Variants in ADAMTS17 observed in about 807,000 individuals in gnomAD.
The protein encoded by ADAMTS17 is A disintegrin and metalloproteinase with thrombospondin motifs 17.
In ADAMTS17, 113 loss-of-function variants were observed where a neutral mutation model predicts 141.5. The observed-to-expected ratio is 0.80, with a 90% CI of 0.69 to 0.93. The LOEUF (loss-of-function observed/expected upper bound fraction) is 0.93, where lower values mean the gene tolerates loss of function less well. Among genes scored for constraint, ADAMTS17 ranks in the 40% least tolerant of loss-of-function variants. The pLI is 0.00. For missense variants in ADAMTS17, 1,659 were observed against 1,517.9 expected (o/e 1.09, Z -1.54); for synonymous variants, 768 against 630.6 (o/e 1.22, Z -3.27).
intron 12 of ADAMTS17, among the ~76,000 whole-genome samples, chr15:100,121,345 C>T (rs560596264): frequency 7.9e-5 from 12 of 152,112 alleles, no homozygotes; most frequent in Non-Finnish European, 1.6e-4. Flanking sequence ...CTCTATAAAT[C>T]CAAGAAGCTC....
At chr15:100,222,619 A>G (rs1420870353) in intron 7 of ADAMTS17, among the ~76,000 whole-genome samples, 4 of 152,120 alleles carry the variant, frequency 2.6e-5, no homozygotes, top group Admixed American at 1.3e-4. Flanking sequence ...CTACCATCCA[A>G]CATCCCTGGA....
At chr15:100,341,746 C>T in intron 1 of ADAMTS17, 75 bp downstream of exon 1, 1 of 1,498,828 alleles carries the variant, frequency 6.7e-7, no homozygotes, top group Non-Finnish European at 8.9e-7. Context: ...CCCGGGCCGC[C>T]AGGACGCCGC....
At chr15:100,209,184 A>T (rs2041703908) in intron 7 of ADAMTS17, among the ~76,000 whole-genome samples, 1 of 151,332 alleles carries the variant, frequency 6.6e-6, no homozygotes, top group Non-Finnish European at 1.5e-5. Flanking sequence ...ATTTCTTGCT[A>T]AATGCTTAGC....
intron 8 of ADAMTS17, among the ~76,000 whole-genome samples, chr15:100,177,005 C>T (rs2040362473): frequency 6.6e-6 from 1 of 152,196 alleles, no homozygotes; most frequent in Admixed American, 6.5e-5. Context: ...AGATTAACTG[C>T]TCACCCATTG....
intron 15 of ADAMTS17, among the ~76,000 whole-genome samples, chr15:100,095,315 A>G (rs1327716582): frequency 6.6e-6 from 1 of 152,190 alleles, no homozygotes; most frequent in Non-Finnish European, 1.5e-5. Flanking sequence ...TTGCTTTCAC[A>G]GGGTCCTGCA....
At chr15:100,081,668 A>G (rs544340764) in intron 15 of ADAMTS17, among the ~76,000 whole-genome samples, 2 of 152,328 alleles carry the variant, frequency 1.3e-5, no homozygotes, top group South Asian at 4.1e-4. Context: ...CTTGGTTTAA[A>G]TACTATTTAA....
chr15:100,222,602 C>T (rs2042168444), intron 7 of ADAMTS17, among the ~76,000 whole-genome samples: 1 of 152,168 alleles, frequency 6.6e-6, no homozygotes, highest in South Asian at 2.1e-4. Flanking sequence ...TCCTAGGACA[C>T]AAACATCTAC....
At chr15:100,285,884 T>C (rs2044430499) in intron 3 of ADAMTS17, among the ~76,000 whole-genome samples, 1 of 152,182 alleles carries the variant, frequency 6.6e-6, no homozygotes, top group African/African-American at 2.4e-5. Context: ...CTGCTGGACC[T>C]GCACAGACCA....
intron 12 of ADAMTS17, among the ~76,000 whole-genome samples, chr15:100,121,902 C>G (rs2037471161): frequency 6.6e-6 from 1 of 152,084 alleles, no homozygotes; most frequent in Admixed American, 6.5e-5. Flanking sequence ...GATTCCTATC[C>G]TGGTTGGAGA....
intron 17 of ADAMTS17, among the ~76,000 whole-genome samples, chr15:100,051,166 G>A (rs2032106520): frequency 6.6e-6 from 1 of 152,196 alleles, no homozygotes; most frequent in African/African-American, 2.4e-5. Flanking sequence ...ATCCTGGAGT[G>A]AGGTGACTGT....
chr15:100,341,469 G>C, intron 1 of ADAMTS17, 60 bp from the exon 2 acceptor site: 1 of 1,004,912 alleles, frequency 1.0e-6, no homozygotes, highest in Non-Finnish European at 1.2e-6. Context: ...CCGCCCTCCC[G>C]CTGGCCGCCA....
intron 9 of ADAMTS17, among the ~76,000 whole-genome samples, chr15:100,154,794 C>T (rs1369749236): frequency 6.6e-6 from 1 of 152,182 alleles, no homozygotes; most frequent in Admixed American, 6.5e-5. Context: ...AAATTCACTC[C>T]CTCTCTAGGC....
rs1003706493 is a variant in ADAMTS17 at position 100,105,191 on chromosome 15, G to A, written c.2016+3798C>T. Among the ~76,000 whole-genome samples, 9 of 152,324 alleles carry A rather than the reference G, an allele frequency of 5.9e-5. No individual in the cohort carries two copies. In the South Asian group the frequency reaches 1.0e-3, roughly 18 times the overall value. The stretch of plus-strand genomic sequence containing the variant: ...GACTGGTGGTCTGCCTGGAGGCAGC[G>A]GGTTACCAGGGTGCAGCCACCCGGG... On this transcript the variant is annotated intron_variant, in intron 14 of 21. Transcript: ENST00000268070.
At chr15:100,331,080 G>C in intron 2 of ADAMTS17, 26 bp from the exon 3 acceptor site, 2 of 1,613,880 alleles carry the variant, frequency 1.2e-6, no homozygotes, top group Non-Finnish European at 1.7e-6. Context: ...AAGGAAACGC[G>C]ATGTCGGTCA....
intron 10 of ADAMTS17, among the ~76,000 whole-genome samples, chr15:100,150,547 G>A (rs539787430): frequency 6.6e-6 from 1 of 152,318 alleles, no homozygotes; most frequent in African/African-American, 2.4e-5. Flanking sequence ...CAGCCTGGGA[G>A]ACTGTGAGTC....
intron 7 of ADAMTS17, among the ~76,000 whole-genome samples, chr15:100,247,930 G>A (rs1036215124): frequency 6.6e-6 from 1 of 152,136 alleles, no homozygotes; most frequent in Non-Finnish European, 1.5e-5. Context: ...ACACCGGAAG[G>A]GCAGTGGGCA....
intron 4 of ADAMTS17, among the ~76,000 whole-genome samples, chr15:100,271,658 G>A (rs11636366): frequency 0.57 from 86,223 of 151,574 alleles, 24,729 homozygotes; most frequent in South Asian, 0.64. Context: ...TGATTTGCAA[G>A]TATTTCCTCC....
At chr15:100,103,508 G>A (rs1029944213) in intron 14 of ADAMTS17, among the ~76,000 whole-genome samples, 3 of 152,114 alleles carry the variant, frequency 2.0e-5, no homozygotes, top group Non-Finnish European at 1.5e-5. Context: ...GTCGTCCATT[G>A]AAATGGGCTC....
In ADAMTS17 at chr15:99,997,884, TGTC is replaced by T. The variant is rs139594514; in HGVS notation, c.2592-298_2592-296del. ...CCCTGTAGGGAATTACGTATCTGCT[TGTC>T]GTCATAGGACCTGCTTCTTTCGACA... On this transcript the variant is annotated intron_variant, in intron 18 of 21. Transcript: ENST00000268070. The surrounding 1 kb of genome is among the most constrained non-coding windows in gnomAD (Gnocchi z 4.7). Among the ~76,000 whole-genome samples the T allele has an allele frequency of 0.018, 2,759 of 152,264 alleles. 41 individuals are homozygous for T. The highest frequency in any genetic ancestry group is 0.025 in the Non-Finnish European group (1,679 of 68,010).
Sources: gnomAD v4.1 joint callset for allele counts (sites outside exome capture counted in the v4.1 genomes callset) on GRCh38, gnomAD v4.1.1 for gene constraint, Gnocchi (gnomAD v3.1) non-coding constraint, MANE v1.5 for transcripts, NCBI Gene and HGNC (gene_info 2026-07-23, HGNC 2026-07-21) for gene names.